The following SUMF1 variants were observed in gnomAD, a reference collection of about 807,000 sequenced individuals.
The protein encoded by SUMF1 is sulfatase modifying factor 1.
Under a neutral mutation model 47.6 loss-of-function variants are expected in SUMF1, and 48 were observed. The observed-to-expected ratio is 1.01, with a 90% CI of 0.80 to 1.28. The LOEUF is 1.28. Among genes scored for constraint, SUMF1 ranks in the 50% most tolerant of loss-of-function variants. The pLI is 0.00. For synonymous variants in SUMF1, 230 were observed against 192.1 expected (o/e 1.20, Z -1.63); for missense variants, 571 against 485.4 (o/e 1.18, Z -1.66).
intron 8 of SUMF1, among the ~76,000 whole-genome samples, chr3:4,147,214 G>T (rs957257890): frequency 5.9e-5 from 9 of 152,112 alleles, no homozygotes; most frequent in Admixed American, 5.2e-4. Flanking sequence ...TACACTGTTG[G>T]TGGGACTGTA....
intron 8 of SUMF1, among the ~76,000 whole-genome samples, chr3:4,197,974 A>C (rs1032022673): frequency 6.6e-6 from 1 of 151,966 alleles, no homozygotes; most frequent in Admixed American, 6.6e-5. Context: ...ATCAGATCAA[A>C]AATGTTCCCG....
intron 8 of SUMF1, chr3:4,316,621 C>G (rs2125109303): frequency 6.4e-7 from 1 of 1,551,226 alleles, no homozygotes; most frequent in East Asian, 2.4e-5. Flanking sequence ...GAAGTGTCAT[C>G]TTCTCTTATT....
intron 8 of SUMF1, among the ~76,000 whole-genome samples, chr3:4,198,807 T>C (rs917937453): frequency 1.3e-5 from 2 of 152,024 alleles, no homozygotes; most frequent in Non-Finnish European, 2.9e-5. Context: ...TATGCTGTAA[T>C]GTACATCTGC....
intron 8 of SUMF1, among the ~76,000 whole-genome samples, chr3:4,338,781 T>G (rs1575109992): frequency 6.6e-6 from 1 of 152,124 alleles, no homozygotes. Context: ...CAGGTATACC[T>G]AGTACATATG....
In SUMF1 at chr3:4,433,343, G is replaced by GT. The variant is rs1230795207; in HGVS notation, c.520-13198dup. ...CCTCACACACACTCATTCAGATCAGGTGTCTTGGAGCAGGTTAGAAAAAAA... is the reference window on the plus strand; with the variant it reads ...CCTCACACACACTCATTCAGATCAGGTTGTCTTGGAGCAGGTTAGAAAAAAA... On this transcript the variant is annotated intron_variant, in intron 3 of 8. Coordinates refer to ENST00000272902, the MANE Select transcript of SUMF1 (RefSeq NM_182760.4). 2.6e-5 allele frequency among the ~76,000 whole-genome samples: 4 copies of GT among 152,284 alleles called. No individual in the cohort carries two copies. In the South Asian group the frequency reaches 8.3e-4, roughly 32 times the overall value.
chr3:4,212,940 T>A (rs1200292319), intron 8 of SUMF1, among the ~76,000 whole-genome samples: 1 of 152,144 alleles, frequency 6.6e-6, no homozygotes. Flanking sequence ...GTTTGATTGG[T>A]GTACCTGAAA....
intron 8 of SUMF1, among the ~76,000 whole-genome samples, chr3:4,231,655 C>A (rs540868794): frequency 3.3e-5 from 5 of 152,272 alleles, no homozygotes; most frequent in African/African-American, 1.2e-4. Context: ...GCAGGCAGAA[C>A]AGCCTTCTGT....
intron 8 of SUMF1, among the ~76,000 whole-genome samples, chr3:4,334,981 G>A (rs1013500635): frequency 1.3e-5 from 2 of 152,126 alleles, no homozygotes; most frequent in African/African-American, 4.8e-5. Context: ...GGCTGGGAAG[G>A]CAGTCTTACG....
chr3:4,317,240 T>A, intron 8 of SUMF1: 1 of 1,532,554 alleles, frequency 6.5e-7, no homozygotes, highest in Non-Finnish European at 8.8e-7. Flanking sequence ...GTTCCTATTT[T>A]GATTAATAAA....
intron 8 of SUMF1, among the ~76,000 whole-genome samples, chr3:4,263,522 T>C (rs1487587464): frequency 6.6e-6 from 1 of 152,188 alleles, no homozygotes. Context: ...TGTCTCCTAG[T>C]ATACCGAACC....
chr3:4,372,050 G>A (rs1408090366), intron 8 of SUMF1, among the ~76,000 whole-genome samples: 1 of 152,120 alleles, frequency 6.6e-6, no homozygotes, highest in Non-Finnish European at 1.5e-5. Flanking sequence ...GCTCATGTCT[G>A]TTATCTCAGC....
intron 8 of SUMF1, among the ~76,000 whole-genome samples, chr3:4,179,614 A>G (rs917666526): frequency 6.6e-6 from 1 of 152,190 alleles, no homozygotes; most frequent in Non-Finnish European, 1.5e-5. Flanking sequence ...AGGCAATACC[A>G]TTCAGGACAT....
At chr3:4,279,823 T>A (rs570169188) in intron 8 of SUMF1, among the ~76,000 whole-genome samples, 2 of 152,228 alleles carry the variant, frequency 1.3e-5, no homozygotes, top group African/African-American at 4.8e-5. Context: ...ATTATCAACT[T>A]TAGGATGCAT....
At chr3:4,240,224 A>G (rs1696506264) in intron 8 of SUMF1, among the ~76,000 whole-genome samples, 1 of 152,098 alleles carries the variant, frequency 6.6e-6, no homozygotes, top group Admixed American at 6.5e-5. Context: ...TTGTCCTGAA[A>G]TATTCTTTTT....
At chr3:4,419,221 A>G (rs1701814064) in intron 4 of SUMF1, among the ~76,000 whole-genome samples, 1 of 152,212 alleles carries the variant, frequency 6.6e-6, no homozygotes, top group African/African-American at 2.4e-5. Flanking sequence ...TCCACCTGAG[A>G]AACCCAGGAA....
chr3:4,214,505 G>A (rs1278676636), intron 8 of SUMF1, among the ~76,000 whole-genome samples: 1 of 152,082 alleles, frequency 6.6e-6, no homozygotes, highest in Non-Finnish European at 1.5e-5. Context: ...AACTCGAGAA[G>A]CAACAGCAAA....
At chr3:4,204,920 CA>C (rs1325988304) in intron 8 of SUMF1, among the ~76,000 whole-genome samples, 3 of 151,970 alleles carry the variant, frequency 2.0e-5, no homozygotes, top group Non-Finnish European at 4.4e-5. Context: ...TGAGCTTCCT[CA>C]AAACAGCTAT....
chr3:4,154,365 A>C (rs1694406036), intron 8 of SUMF1, among the ~76,000 whole-genome samples: 1 of 151,466 alleles, frequency 6.6e-6, no homozygotes, highest in South Asian at 2.1e-4. Flanking sequence ...AATTTCATTC[A>C]TTTTTCATTT....
At chr3:4,061,341 C>A (rs947926763) in intron 9 of SUMF1, among the ~76,000 whole-genome samples, 2 of 152,136 alleles carry the variant, frequency 1.3e-5, no homozygotes, top group African/African-American at 2.4e-5. Context: ...CTAAAACTTA[C>A]CAGACACCAC....
Sources: gnomAD v4.1 joint callset for allele counts (sites outside exome capture counted in the v4.1 genomes callset) on GRCh38, gnomAD v4.1.1 for gene constraint, MANE v1.5 for transcripts, NCBI Gene and HGNC (gene_info 2026-07-23, HGNC 2026-07-21) for gene names.